SYNE1: variants seen among roughly 807,000 people sequenced by gnomAD.
SYNE1 encodes the protein nesprin-1.
SYNE1 carries 616 observed loss-of-function variants against 1,111.0 expected under a neutral mutation model. That is an observed-to-expected ratio of 0.55 (90% CI 0.52 to 0.59). The LOEUF (loss-of-function observed/expected upper bound fraction) is 0.59. Among genes scored for constraint, SYNE1 ranks in the 20% least tolerant of loss-of-function variants. SYNE1 has a pLI of 0.00. For synonymous variants in SYNE1, 3,855 were observed against 3,825.8 expected (o/e 1.01, Z -0.28); for missense variants, 10,006 against 10,417.0 (o/e 0.96, Z 1.72).
chr6:152,423,387 T>C (rs867799812), intron 39 of SYNE1, among the ~76,000 whole-genome samples: 17 of 152,184 alleles, frequency 1.1e-4, no homozygotes, highest in African/African-American at 3.6e-4. Context: ...ATGTCAGTGA[T>C]TTTCTAACCT....
In SYNE1 at chr6:152,462,729, AC is replaced by A. The variant is rs2098741703; in HGVS notation, c.2250+8del. ...GTAGGCTTTTCATTTTGATTCAGAAACCCCTCACCTCCAAGTCTTGAATTAA... is the reference window on the plus strand; with the variant it reads ...GTAGGCTTTTCATTTTGATTCAGAAACCCTCACCTCCAAGTCTTGAATTAA... On this transcript the variant is annotated splice_region_variant and intron_variant, in intron 20 of 145. Coordinates refer to ENST00000367255, the MANE Select transcript of SYNE1 (RefSeq NM_182961.4). 6.2e-6 allele frequency: 10 copies of A among 1,613,798 alleles called. No individual in the cohort carries two copies. Among genetic ancestry groups the A allele is most frequent in the Middle Eastern group, 1.6e-4 (1 of 6,080 alleles).
chr6:152,471,994 T>C, intron 15 of SYNE1: 1 of 597,552 alleles, frequency 1.7e-6, no homozygotes, highest in Non-Finnish European at 2.9e-6. Flanking sequence ...ACATCTCTCG[T>C]CTGTTTCTTT....
intron 3 of SYNE1, 77 bp from the exon 4 acceptor site, chr6:152,540,098 C>T (rs1214631341): frequency 7.1e-7 from 1 of 1,414,506 alleles, no homozygotes; most frequent in African/African-American, 1.4e-5. Context: ...CCTATTTACA[C>T]AAATCTGGAA....
At position 152,179,673 on chromosome 6, in the gene SYNE1, C is replaced by CTTTT. The variant is rs796260764; in HGVS notation, c.23460+459_23460+462dup. Among the ~76,000 whole-genome samples the CTTTT allele has an allele frequency of 6.9e-3, 381 of 55,096 alleles. 99 individuals carry two copies. Among genetic ancestry groups the CTTTT allele is most frequent in the African/African-American group, 0.02 (258 of 12,806 alleles). 36.1% of individuals were successfully genotyped at this position (55,096 alleles called of 152,430 possible). On this transcript the variant is annotated intron_variant, in intron 129 of 145. Transcript: ENST00000367255. ...GCAAGTTTATTTTATGCTGGATATC[C>CTTTT]TTTTTTTTTTTTTTTTTTTTTTTTT...
At chr6:152,612,861 G>A (rs1727035) in intron 3 of SYNE1, among the ~76,000 whole-genome samples, 108,867 of 152,070 alleles carry the variant, frequency 0.72, 39,053 homozygotes, top group East Asian at 0.81. Context: ...ATCAGTAAAC[G>A]TAATCCATTA....
intron 82 of SYNE1, among the ~76,000 whole-genome samples, chr6:152,322,241 T>C (rs2095886557): frequency 1.3e-5 from 2 of 152,140 alleles, no homozygotes; most frequent in Admixed American, 6.5e-5. Context: ...AGCTATCTAA[T>C]AGAAAGTAGT....
At chr6:152,183,706 T>C (rs1362546195) in intron 128 of SYNE1, among the ~76,000 whole-genome samples, 1 of 152,216 alleles carries the variant, frequency 6.6e-6, no homozygotes, top group Non-Finnish European at 1.5e-5. Context: ...TCTAGGCCTT[T>C]ACTCACCAAT....
At chr6:152,564,040 T>C (rs928140016) in intron 3 of SYNE1, among the ~76,000 whole-genome samples, 1 of 152,118 alleles carries the variant, frequency 6.6e-6, no homozygotes, top group African/African-American at 2.4e-5. Context: ...CAAACAAATA[T>C]AGGTGTAAGA....
At position 152,201,829 on chromosome 6, in the gene SYNE1, A is replaced by G; in HGVS notation, c.23140T>C (p.Cys7714Arg). ...HEELHAEQMR[C>R]KELENAVGSW... is the part of the protein sequence containing the mutation. ...ATCTCAGTTCAGTAATTTACCTTGC[A>G]ACGCATTTGTTCTGCATGGAGCTCT... Residue 7714 changes from cysteine to arginine, a missense_variant, in exon 127 of 146, where the codon TGC (cysteine) becomes CGC (arginine). Around this residue, in one of 7 missense-constraint regions of SYNE1, gnomAD observed 2,182 missense variants for 2,287.8 expected, o/e 0.95. Coordinates refer to ENST00000367255, the MANE Select transcript of SYNE1 (RefSeq NM_182961.4). The G allele has an allele frequency of 3.1e-6, 5 of 1,613,950 alleles. No individual in the cohort carries two copies. Among genetic ancestry groups the G allele is most frequent in the Non-Finnish European group, 4.2e-6 (5 of 1,179,828 alleles).
chr6:152,149,365 C>T, intron 136 of SYNE1, 112 bp downstream of exon 136: 1 of 1,293,580 alleles, frequency 7.7e-7, no homozygotes, highest in South Asian at 1.2e-5. Context: ...GACTTGAACT[C>T]AGGTGCTCCA....
chr6:152,486,050 C>T (rs1014370323), intron 12 of SYNE1, among the ~76,000 whole-genome samples: 18 of 152,004 alleles, frequency 1.2e-4, no homozygotes, highest in Non-Finnish European at 2.1e-4. Context: ...CAAAAATTAG[C>T]TGAGCATAGT....
chr6:152,276,506 A>G (rs1044865246), intron 98 of SYNE1, among the ~76,000 whole-genome samples: 3 of 152,130 alleles, frequency 2.0e-5, no homozygotes, highest in Non-Finnish European at 4.4e-5. Flanking sequence ...ATCAGCAAAA[A>G]GCCGAAAAAA....
chr6:152,382,002 TA>T (rs1229348559), intron 55 of SYNE1, among the ~76,000 whole-genome samples: 1 of 152,196 alleles, frequency 6.6e-6, no homozygotes, highest in East Asian at 1.9e-4. Flanking sequence ...TTTTTTACCT[TA>T]AAAAAGTCAC....
Position 152,176,437 on chromosome 6 carries a change from C to G in SYNE1, c.23584G>C (p.Val7862Leu). Residue 7862 changes from valine to leucine, a missense_variant, in exon 130 of 146, where the codon GTC becomes CTC. Transcript: ENST00000367255. ...AGGAGATGCTGCCACCGGTCGTTGA[C>G]CTTTCCCAGCTTGTATTCAATCTCA... ...ASEIEYKLGK[V>L]NDRWQHLLDL... The G allele has an allele frequency of 6.2e-7, 1 of 1,614,114 alleles. No homozygotes were observed. The highest frequency in any genetic ancestry group is 8.5e-7 in the Non-Finnish European group (1 of 1,179,984).
chr6:152,491,023 G>A (rs2098967480), intron 11 of SYNE1, among the ~76,000 whole-genome samples: 1 of 152,222 alleles, frequency 6.6e-6, no homozygotes, highest in Non-Finnish European at 1.5e-5. Flanking sequence ...TCCAGCGTGG[G>A]TCACGGACTT....
chr6:152,503,904 T>G (rs1026865116), intron 9 of SYNE1, among the ~76,000 whole-genome samples: 1 of 152,196 alleles, frequency 6.6e-6, no homozygotes, highest in African/African-American at 2.4e-5. Flanking sequence ...TTATAATAGC[T>G]TTTGGTCTAC....
At chr6:152,610,516 T>C (rs893045575) in intron 3 of SYNE1, among the ~76,000 whole-genome samples, 10 of 152,180 alleles carry the variant, frequency 6.6e-5, no homozygotes, top group South Asian at 4.1e-4. Flanking sequence ...AACCTACGTT[T>C]GATTGGTGTA....
rs1281616262 is a variant in SYNE1, at chr6:152,466,095, G to T, written c.1633-17C>A. The stretch of plus-strand genomic sequence containing the variant: ...TATAAAAGACTAGAAAAGGAGGAAT[G>T]GTTAGAAGATAGCAAACATTAGGCT... On this transcript the variant is annotated splice_polypyrimidine_tract_variant and intron_variant, in intron 16 of 145. Transcript: ENST00000367255. 2.7e-6 allele frequency: 4 copies of T among 1,502,472 alleles called. No homozygotes were observed. The highest frequency in any genetic ancestry group is 2.8e-6 in the Non-Finnish European group (3 of 1,079,344). 93.1% of individuals were successfully genotyped at this position (1,502,472 alleles called of 1,614,324 possible). A position where few individuals can be genotyped will look rare whatever the true frequency, so the allele number is the denominator to read the frequency against.
intron 138 of SYNE1, among the ~76,000 whole-genome samples, chr6:152,142,170 C>A (rs917257038): frequency 6.6e-6 from 1 of 152,100 alleles, no homozygotes; most frequent in Non-Finnish European, 1.5e-5. Flanking sequence ...TAAAGATATA[C>A]TTTGCATACA....
Sources: gnomAD v4.1 joint callset for allele counts (sites outside exome capture counted in the v4.1 genomes callset) on GRCh38, gnomAD v4.1.1 for gene constraint, gnomAD v4.1.1 regional missense constraint, MANE v1.5 for transcripts, NCBI Gene and HGNC (gene_info 2026-07-23, HGNC 2026-07-21) for gene names.